The following NEB variants were observed in gnomAD, a reference collection of about 807,000 sequenced individuals.
NEB encodes nebulin.
A neutral mutation model predicts 952.2 loss-of-function variants in NEB; 512 were observed. The ratio of observed to expected loss-of-function variants is 0.54; its 90% CI spans 0.50 to 0.58. NEB has a LOEUF of 0.58. NEB is among the 20% of genes least tolerant of loss of function. NEB has a pLI of 0.00. For missense variants in NEB, 8,428 were observed against 9,231.1 expected (o/e 0.91, Z 3.56); for synonymous variants, 2,900 against 3,149.8 (o/e 0.92, Z 2.66).
chr2:151,670,730 A>G (rs1236112034), intron 38 of NEB, among the ~76,000 whole-genome samples: 1 of 152,218 alleles, frequency 6.6e-6, no homozygotes, highest in African/African-American at 2.4e-5. Flanking sequence ...ACAGATAATG[A>G]TAGTAATAAT....
intron 129 of NEB, among the ~76,000 whole-genome samples, chr2:151,551,033 T>C (rs555177933): frequency 5.3e-5 from 8 of 151,160 alleles, no homozygotes; most frequent in African/African-American, 1.9e-4. Context: ...AGTGGTGCAA[T>C]CTCAGCTCAC....
At chr2:151,571,382 G>C (rs2096623356) in intron 107 of NEB, among the ~76,000 whole-genome samples, 1 of 152,144 alleles carries the variant, frequency 6.6e-6, no homozygotes, top group Admixed American at 6.5e-5. Flanking sequence ...AAAAGGGTTT[G>C]GCTTTGTTTT....
At chr2:151,614,631 A>G (rs1286689777) in intron 76 of NEB, 44 bp from the exon 77 acceptor site, 1 of 1,550,204 alleles carries the variant, frequency 6.5e-7, no homozygotes, top group African/African-American at 1.4e-5. Flanking sequence ...AACATCTTAT[A>G]TAATCATGTT....
At chr2:151,653,728 C>T (rs1054818940) in intron 52 of NEB, among the ~76,000 whole-genome samples, 8 of 152,062 alleles carry the variant, frequency 5.3e-5, no homozygotes, top group East Asian at 1.9e-4. Context: ...CTTGCAATCT[C>T]GGGTCCTTTG....
rs1181340143 is a variant in NEB at position 151,524,186 on chromosome 2, G to A, written c.22479+125C>T. 5 of 769,722 alleles carry A rather than the reference G, an allele frequency of 6.5e-6. No individual in the cohort carries two copies. In the East Asian group the frequency reaches 1.1e-4, roughly 16 times the overall value. The allele number at this position is 769,722 out of a possible 1,614,324, so 47.7% of individuals were successfully genotyped here. ...CTCAGTGCACTTTTTATAACTCTTGGAAGCTTTGCAGTACTATTACAGACC... is the reference window on the plus strand; with the variant it reads ...CTCAGTGCACTTTTTATAACTCTTGAAAGCTTTGCAGTACTATTACAGACC... On this transcript the variant is annotated intron_variant, in intron 153 of 181. Coordinates refer to ENST00000397345, the MANE Select transcript of NEB (RefSeq NM_001164508.2).
intron 38 of NEB, 83 bp downstream of exon 38, chr2:151,670,940 A>G (rs1042274232): frequency 2.2e-6 from 3 of 1,385,252 alleles, no homozygotes; most frequent in African/African-American, 1.4e-5. Context: ...GCATCCTCAC[A>G]CATTGAATTA....
At chr2:151,725,596 G>A (rs1239258748) in intron 5 of NEB, 36 bp from the exon 6 acceptor site, 2 of 1,564,734 alleles carry the variant, frequency 1.3e-6, no homozygotes, top group Non-Finnish European at 8.8e-7. Context: ...TAACAAGACA[G>A]CAGTGAAAAT....
At chr2:151,710,721 C>T (rs897953627) in intron 10 of NEB, among the ~76,000 whole-genome samples, 183 bp from the exon 11 acceptor site, 5 of 152,104 alleles carry the variant, frequency 3.3e-5, no homozygotes, top group Non-Finnish European at 5.9e-5. Flanking sequence ...GAAAGTTGGG[C>T]GATAGGGATA....
Position 151,731,308 on chromosome 2 carries a change from A to C in NEB, c.37-1652T>G, listed in dbSNP as rs574967543. 5.3e-5 allele frequency among the ~76,000 whole-genome samples: 8 copies of C among 152,324 alleles called. No individual in the cohort carries two copies. In the East Asian group the frequency reaches 1.5e-3, roughly 29 times the overall value. ...CTCTTTTTTTAGAGCTGTGCCACTA[A>C]TTAGATAGTGCATCCTTGCTTCTCT... On this transcript the variant is annotated intron_variant, in intron 3 of 181. Transcript: ENST00000397345.
intron 165 of NEB, among the ~76,000 whole-genome samples, chr2:151,504,673 T>C (rs2067367460): frequency 6.6e-6 from 1 of 152,204 alleles, no homozygotes; most frequent in Admixed American, 6.5e-5. Flanking sequence ...CCATAAACTA[T>C]TTCCCAAACT....
intron 159 of NEB, 104 bp from the exon 160 acceptor site, chr2:151,513,797 C>A: frequency 2.5e-6 from 2 of 795,706 alleles, no homozygotes; most frequent in Non-Finnish European, 4.1e-6. Context: ...CCCCAGTTGT[C>A]ACAGATAGTG....
chr2:151,624,412 A>G (rs1438240494), intron 71 of NEB, among the ~76,000 whole-genome samples: 1 of 152,162 alleles, frequency 6.6e-6, no homozygotes, highest in Non-Finnish European at 1.5e-5. Context: ...AATAGAAACT[A>G]ACTTCATCTG....
chr2:151,642,533 T>C (rs2098888384), intron 60 of NEB, 41 bp downstream of exon 60: 1 of 1,525,808 alleles, frequency 6.6e-7, no homozygotes, highest in Non-Finnish European at 9.0e-7. Flanking sequence ...AATAAATCTT[T>C]GAGCCAAAGC....
chr2:151,504,224 A>G (rs960962241), intron 165 of NEB, among the ~76,000 whole-genome samples: 4 of 152,178 alleles, frequency 2.6e-5, no homozygotes, highest in Non-Finnish European at 4.4e-5. Flanking sequence ...ACGTACCCAG[A>G]TTTTAATTCT....
At position 151,493,770 on chromosome 2, in the gene NEB, A is replaced by T; in HGVS notation, c.24672+5T>A. 1.9e-6 allele frequency: 3 copies of T among 1,546,558 alleles called. No homozygotes were observed. The highest frequency in any genetic ancestry group is 2.6e-6 in the Non-Finnish European group (3 of 1,134,890). Reference sequence around the variant, plus strand: ...TTAAGGATTTATTTTTCCTTTCTAAAATACCGAGCTAAAGTTTTCTTGATT... The same window carrying T: ...TTAAGGATTTATTTTTCCTTTCTAATATACCGAGCTAAAGTTTTCTTGATT... On this transcript the variant is annotated splice_donor_5th_base_variant and intron_variant, in intron 175 of 181. Coordinates refer to ENST00000397345, the MANE Select transcript of NEB (RefSeq NM_001164508.2).
In NEB at chr2:151,627,548, C is replaced by T. The variant is rs568814745; in HGVS notation, c.10118G>A (p.Arg3373Gln). The change falls in exon 69 of 182, where the codon CGG (arginine) becomes CAG (glutamine). Residue 3373 changes from arginine to glutamine, a missense_variant. Coordinates refer to ENST00000397345, the MANE Select transcript of NEB (RefSeq NM_001164508.2). ...LPDQNDVIHA[R>Q]QAYDLQSDNI... ...ATCGCTCTGGAGGTCATAGGCCTGC[C>T]GAGCATGGATGACATCATTCTGGTC... is the stretch of plus-strand genomic sequence containing the variant. The T allele has an allele frequency of 1.8e-4, 293 of 1,613,904 alleles. 1 individual carries two copies. Among genetic ancestry groups the T allele is most frequent in the South Asian group, 7.5e-4 (68 of 91,078 alleles).
rs2099605421 is a variant in NEB at position 151,697,551 on chromosome 2, C to A, written c.1250G>T (p.Ser417Ile). 6.2e-7 allele frequency: 1 copy of A among 1,612,246 alleles called. No homozygotes were observed. Among genetic ancestry groups the A allele is most frequent in the African/African-American group, 1.3e-5 (1 of 74,744 alleles). The change falls in exon 14 of 182, where the codon AGT becomes ATT. Residue 417 changes from serine to isoleucine, a missense_variant. By Grantham distance (142) the Ser-to-Ile change is moderately radical. Coordinates refer to ENST00000397345, the MANE Select transcript of NEB (RefSeq NM_001164508.2). ...GACAGTAGGATTGCTTACATCACTA[C>A]TGAAGTTCTGCAGAACAGTATCGAG... Reference protein sequence around the residue: ...FKLDTVLQNFSSDKKYKDSYL... With the variant: ...FKLDTVLQNFISDKKYKDSYL...
rs1559329066 is a variant in NEB at position 151,505,523 on chromosome 2, C to T, written c.23697G>A (p.Leu7899=). ...AIGQGTPIPD[L]PEVKRVKETQ... The stretch of plus-strand genomic sequence containing the variant: ...TCTCCTTCACACGTTTCACTTCAGG[C>T]AGGTCAGGGATTGGAGTTCCTTGTC... The change falls in exon 165 of 182, where the codon CTG becomes CTA. Residue 7899 remains leucine, a synonymous_variant. Coordinates refer to ENST00000397345, the MANE Select transcript of NEB (RefSeq NM_001164508.2). 4 of 1,613,686 alleles carry T rather than the reference C, an allele frequency of 2.5e-6. No homozygotes were observed. Among genetic ancestry groups the T allele is most frequent in the African/African-American group, 1.3e-5 (1 of 74,898 alleles).
chr2:151,506,292 GAAGAA>G (rs1559339913), intron 163 of NEB, 34 bp from the exon 164 acceptor site: 1 of 1,506,652 alleles, frequency 6.6e-7, no homozygotes, highest in Non-Finnish European at 9.2e-7. Flanking sequence ...TGTTAACACA[GAAGAA>G]AAGAAAACCC....
Sources: allele counts gnomAD v4.1 joint callset (sites outside exome capture counted in the v4.1 genomes callset), GRCh38; gene constraint gnomAD v4.1.1; transcripts MANE v1.5; gene names NCBI Gene and HGNC (gene_info 2026-07-23, HGNC 2026-07-21).